Variants in EPHB1 observed in about 807,000 individuals in gnomAD.
The protein encoded by EPHB1 is ephrin type-B receptor 1.
EPHB1 carries 30 observed loss-of-function variants against 94.4 expected under a neutral mutation model. The observed-to-expected ratio is 0.32, with a 90% CI of 0.24 to 0.43. EPHB1 has a LOEUF of 0.43. EPHB1 is among the 20% of genes least tolerant of loss of function. The pLI, the probability that EPHB1 is intolerant of heterozygous loss-of-function variation, is 1.00. For missense variants in EPHB1, 1,055 were observed against 1,308.3 expected, an observed-to-expected ratio of 0.81 and a Z score of 2.99; for synonymous variants, 522 against 489.1, an observed-to-expected ratio of 1.07 and a Z score of -0.89.
intron 1 of EPHB1, among the ~76,000 whole-genome samples, chr3:134,878,133 T>C (rs2037656106): frequency 6.6e-6 from 1 of 152,208 alleles, no homozygotes; most frequent in Admixed American, 6.5e-5. Flanking sequence ...GTGCTGAGGC[T>C]GGAACTTCCT....
intron 3 of EPHB1, among the ~76,000 whole-genome samples, chr3:135,054,040 TACACACACAC>T (rs1553727022): frequency 2.1e-5 from 3 of 139,812 alleles, no homozygotes; most frequent in Non-Finnish European, 4.6e-5. Flanking sequence ...TATATATATA[TACACACACAC>T]ACACACACAC....
At chr3:135,101,030 C>T (rs530408376) in intron 3 of EPHB1, among the ~76,000 whole-genome samples, 1 of 152,236 alleles carries the variant, frequency 6.6e-6, no homozygotes, top group South Asian at 2.1e-4. Context: ...CAATCACTTA[C>T]AATGGAGGAA....
chr3:135,161,978 C>G (rs147975218), intron 6 of EPHB1, 40 bp from the exon 7 acceptor site: 1 of 1,571,116 alleles, frequency 6.4e-7, no homozygotes, highest in African/African-American at 1.3e-5. Flanking sequence ...GTGTAGCCTT[C>G]AGGAATGGGA....
intron 3 of EPHB1, among the ~76,000 whole-genome samples, chr3:135,095,855 C>A (rs192090504): frequency 1.3e-5 from 2 of 152,302 alleles, no homozygotes; most frequent in Admixed American, 1.3e-4. Flanking sequence ...TTATAGGGGG[C>A]TTATATCTTC....
chr3:135,011,843 T>C (rs780069291), intron 3 of EPHB1, among the ~76,000 whole-genome samples: 4 of 152,246 alleles, frequency 2.6e-5, no homozygotes, highest in African/African-American at 4.8e-5. Flanking sequence ...AGGTGGTTTG[T>C]AATGCCACCA....
In EPHB1 at chr3:134,980,160, C is replaced by G. The variant is rs145311671; in HGVS notation, c.805+28108C>G. ...GAATCATCCAGAGACTTATCACATG[C>G]ATGGTACCTGGACTGAGATGACCAG... is the stretch of plus-strand genomic sequence containing the variant. On this transcript the variant is annotated intron_variant, in intron 3 of 15. Coordinates refer to ENST00000398015, the MANE Select transcript of EPHB1 (RefSeq NM_004441.5). Among the ~76,000 whole-genome samples, 6 of 152,276 alleles carry G rather than the reference C, an allele frequency of 3.9e-5. No homozygotes were observed. In the East Asian group the frequency reaches 9.7e-4, roughly 25 times the overall value.
At chr3:134,946,864 A>G (rs1302425828) in intron 2 of EPHB1, among the ~76,000 whole-genome samples, 3 of 152,160 alleles carry the variant, frequency 2.0e-5, no homozygotes, top group African/African-American at 7.2e-5. Flanking sequence ...TGCTTCTTGT[A>G]CAGGCTGCAG....
At chr3:134,830,741 C>T (rs896365530) in intron 1 of EPHB1, among the ~76,000 whole-genome samples, 3 of 152,192 alleles carry the variant, frequency 2.0e-5, no homozygotes, top group African/African-American at 7.2e-5. Flanking sequence ...TCCCTTCTGG[C>T]CTGACCTCTG....
At chr3:135,089,123 A>C (rs1938469965) in intron 3 of EPHB1, among the ~76,000 whole-genome samples, 1 of 152,200 alleles carries the variant, frequency 6.6e-6, no homozygotes, top group African/African-American at 2.4e-5. Flanking sequence ...GGCATAGTTG[A>C]TGTTTAACAT....
chr3:135,008,176 A>G (rs915451765), intron 3 of EPHB1, among the ~76,000 whole-genome samples: 1 of 152,214 alleles, frequency 6.6e-6, no homozygotes, highest in Non-Finnish European at 1.5e-5. Flanking sequence ...ATGGAACAGA[A>G]AGAAGAGAGG....
chr3:135,228,879 T>G (rs1186304368), intron 12 of EPHB1, among the ~76,000 whole-genome samples: 1 of 152,202 alleles, frequency 6.6e-6, no homozygotes, highest in Non-Finnish European at 1.5e-5. Flanking sequence ...CCATGTATCT[T>G]CTTTCCTTCT....
intron 1 of EPHB1, among the ~76,000 whole-genome samples, chr3:134,915,712 A>C (rs537495733): frequency 6.6e-6 from 1 of 151,898 alleles, no homozygotes; most frequent in East Asian, 1.9e-4. Flanking sequence ...TGAGGGTTAC[A>C]ACTCTTAAGG....
intron 1 of EPHB1, among the ~76,000 whole-genome samples, chr3:134,822,264 C>T (rs530265673): frequency 4.6e-5 from 7 of 152,194 alleles, no homozygotes; most frequent in Admixed American, 1.3e-4. Flanking sequence ...TGTGTCTGAG[C>T]GGTGACTCAG....
At chr3:134,892,319 T>C (rs908014264) in intron 1 of EPHB1, among the ~76,000 whole-genome samples, 1 of 152,166 alleles carries the variant, frequency 6.6e-6, no homozygotes, top group Non-Finnish European at 1.5e-5. Context: ...AGTTCCATGC[T>C]TAGACCCCAG....
At chr3:134,909,816 C>G (rs1032138299) in intron 1 of EPHB1, among the ~76,000 whole-genome samples, 10 of 152,160 alleles carry the variant, frequency 6.6e-5, no homozygotes, top group African/African-American at 1.9e-4. Context: ...CTTGAGCTTC[C>G]AGCATTACAA....
At chr3:134,996,828 C>A (rs1935011620) in intron 3 of EPHB1, among the ~76,000 whole-genome samples, 1 of 151,918 alleles carries the variant, frequency 6.6e-6, no homozygotes, top group Non-Finnish European at 1.5e-5. Context: ...ACCCATTTTT[C>A]TATTTAGTTG....
At chr3:135,042,639 T>C (rs899135637) in intron 3 of EPHB1, among the ~76,000 whole-genome samples, 4 of 152,094 alleles carry the variant, frequency 2.6e-5, no homozygotes, top group East Asian at 1.9e-4. Flanking sequence ...TTTGTTGAGT[T>C]TGCAAGGCAG....
intron 9 of EPHB1, among the ~76,000 whole-genome samples, chr3:135,171,435 A>G (rs1024149800): frequency 6.6e-5 from 10 of 152,250 alleles, no homozygotes; most frequent in African/African-American, 2.2e-4. Context: ...TTTTAAATTC[A>G]TGACTCAGGT....
intron 12 of EPHB1, among the ~76,000 whole-genome samples, chr3:135,240,370 A>C (rs1943752409): frequency 6.6e-6 from 1 of 152,144 alleles, no homozygotes; most frequent in Non-Finnish European, 1.5e-5. Context: ...AAACTGGCTA[A>C]GGTCTGGCAG....
Sources: gnomAD v4.1 joint callset for allele counts (sites outside exome capture counted in the v4.1 genomes callset) on GRCh38, gnomAD v4.1.1 for gene constraint, MANE v1.5 for transcripts, NCBI Gene and HGNC (gene_info 2026-07-23, HGNC 2026-07-21) for gene names.